CYBRD1: variants seen among roughly 807,000 people sequenced by gnomAD.
The protein encoded by CYBRD1 is cytochrome b reductase 1.
A neutral mutation model predicts 21.9 loss-of-function variants in CYBRD1; 14 were observed. That is an observed-to-expected ratio of 0.64 (90% CI 0.42 to 1.00). CYBRD1 has a LOEUF of 1.00. CYBRD1 is among the 50% of genes least tolerant of loss of function. The pLI, the probability that CYBRD1 is intolerant of heterozygous loss-of-function variation, is 0.00. For synonymous variants in CYBRD1, 146 were observed against 136.5 expected, an observed-to-expected ratio of 1.07 and a Z score of -0.48; for missense variants, 328 against 352.5, an observed-to-expected ratio of 0.93 and a Z score of 0.56.
chr2:171,527,357 T>C (rs1054864483), intron 1 of CYBRD1, among the ~76,000 whole-genome samples: 3 of 152,218 alleles, frequency 2.0e-5, no homozygotes, highest in African/African-American at 7.2e-5. Flanking sequence ...GTACCTAGAA[T>C]AACACTGAGA....
chr2:171,533,016 G>T (rs1032028051), intron 1 of CYBRD1, among the ~76,000 whole-genome samples: 2 of 151,818 alleles, frequency 1.3e-5, no homozygotes, highest in African/African-American at 4.8e-5. Context: ...TTGCTCATTT[G>T]CTGGCAATAC....
intron 1 of CYBRD1, among the ~76,000 whole-genome samples, chr2:171,533,432 T>C (rs1697499638): frequency 6.6e-6 from 1 of 152,342 alleles, no homozygotes; most frequent in Admixed American, 6.5e-5. Flanking sequence ...TGCTAAATAC[T>C]GGGATGTGAC....
rs1683480758 is a variant in CYBRD1, at chr2:171,555,965, T to C, written c.*1138T>C. ...AAACCTCAATTGCTGGAGTGGGGTG[T>C]AGTTATTAAAGGGATGCTTTTTACC... On this transcript the variant is annotated 3_prime_UTR_variant, in exon 4 of 4. Transcript: ENST00000321348. The C allele has an allele frequency of 6.6e-6, 1 of 152,200 alleles. No homozygotes were observed. The highest frequency in any genetic ancestry group is 1.5e-5 in the Non-Finnish European group (1 of 68,034). The allele number at this position is 152,200 out of a possible 1,614,324, so 9.4% of individuals were successfully genotyped here.
chr2:171,525,288 G>A (rs1044797608), intron 1 of CYBRD1, among the ~76,000 whole-genome samples: 2 of 152,142 alleles, frequency 1.3e-5, no homozygotes, highest in Non-Finnish European at 2.9e-5. Flanking sequence ...ATGGTCCAGA[G>A]TTTGTCCCGT....
intron 1 of CYBRD1, among the ~76,000 whole-genome samples, chr2:171,525,429 A>G (rs931772191): frequency 6.6e-6 from 1 of 152,120 alleles, no homozygotes; most frequent in East Asian, 1.9e-4. Context: ...GTTCTTCCAT[A>G]TCTTGGCCAA....
intron 2 of CYBRD1, among the ~76,000 whole-genome samples, chr2:171,548,481 A>G (rs1697750254): frequency 6.6e-6 from 1 of 152,174 alleles, no homozygotes; most frequent in Non-Finnish European, 1.5e-5. Flanking sequence ...CTTGTGTAGC[A>G]TTCCCAACAC....
At chr2:171,553,632 G>A (rs1683426430) in intron 3 of CYBRD1, 132 bp downstream of exon 3, 2 of 794,892 alleles carry the variant, frequency 2.5e-6, no homozygotes, top group African/African-American at 3.6e-5. Flanking sequence ...TAAAGAATTT[G>A]TTATATCATA....
chr2:171,540,613 T>C (rs1004341817), intron 1 of CYBRD1, among the ~76,000 whole-genome samples: 4 of 152,196 alleles, frequency 2.6e-5, no homozygotes, highest in Non-Finnish European at 5.9e-5. Context: ...ATTAGAGTTC[T>C]GACTGCTGTA....
At chr2:171,526,929 T>G (rs4467241) in intron 1 of CYBRD1, among the ~76,000 whole-genome samples, 117,115 of 152,142 alleles carry the variant, frequency 0.77, 45,469 homozygotes, top group East Asian at 0.9. Context: ...TTTCGTGAGA[T>G]AATATAACTA....
chr2:171,530,051 C>T (rs1419310123), intron 1 of CYBRD1, among the ~76,000 whole-genome samples: 1 of 152,130 alleles, frequency 6.6e-6, no homozygotes, highest in African/African-American at 2.4e-5. Flanking sequence ...GACAAAGACA[C>T]ACAGAGAAGA....
Position 171,554,704 on chromosome 2 carries a change from A to G in CYBRD1, c.738A>G (p.Arg246=). Residue 246 remains arginine (R), a synonymous_variant, in exon 4 of 4, where the codon AGA becomes AGG. Transcript: ENST00000321348. ...ATGGAGGCACTGAACAGGGAGCAAG[A>G]GGTTCCATGCCAGCCTACTCTGGCA... ...HPNGGTEQGA[R]GSMPAYSGNN... The G allele has an allele frequency of 6.2e-7, 1 of 1,614,068 alleles. No homozygotes were observed. Among genetic ancestry groups the G allele is most frequent in the Non-Finnish European group, 8.5e-7 (1 of 1,179,976 alleles).
chr2:171,554,410 T>C, intron 3 of CYBRD1, 114 bp from the exon 4 acceptor site: 9 of 989,472 alleles, frequency 9.1e-6, no homozygotes, highest in Non-Finnish European at 1.4e-5. Context: ...TAGCAAGCTT[T>C]GAGAGTTTAC....
Position 171,555,460 on chromosome 2 carries a change from G to T in CYBRD1, c.*633G>T, listed in dbSNP as rs1165661263. On this transcript the variant is annotated 3_prime_UTR_variant, in exon 4 of 4. Transcript: ENST00000321348. ...TGATAGATTAGAGCAGGTGGTTGAA[G>T]AGATCTTCTCTGGTCAGACTTGGAA... The T allele has an allele frequency of 1.3e-5, 2 of 152,950 alleles. No individual in the cohort carries two copies. Among genetic ancestry groups the T allele is most frequent in the African/African-American group, 4.8e-5 (2 of 41,440 alleles). The allele number at this position is 152,950 out of a possible 1,614,324, so 9.5% of individuals were successfully genotyped here.
At chr2:171,542,391 T>A (rs1461739537) in intron 2 of CYBRD1, among the ~76,000 whole-genome samples, 1 of 152,148 alleles carries the variant, frequency 6.6e-6, no homozygotes, top group East Asian at 1.9e-4. Context: ...GGCTCATGCC[T>A]ATAATTCCAG....
intron 1 of CYBRD1, among the ~76,000 whole-genome samples, chr2:171,538,412 C>A (rs1163182810): frequency 1.3e-5 from 2 of 152,028 alleles, no homozygotes; most frequent in African/African-American, 4.8e-5. Context: ...TGAGAGGGGG[C>A]CTTGAGTTTG....
rs1683514764 is a variant in CYBRD1, at chr2:171,557,778, G to A, written c.*2951G>A. 6.6e-6 allele frequency: 1 copy of A among 152,200 alleles called. No individual in the cohort carries two copies. Among genetic ancestry groups the A allele is most frequent in the African/African-American group, 2.4e-5 (1 of 41,442 alleles). The allele number at this position is 152,200 out of a possible 1,614,324, so 9.4% of individuals were successfully genotyped here. A position where few individuals can be genotyped will look rare whatever the true frequency, so the allele number is the denominator to read the frequency against. On this transcript the variant is annotated 3_prime_UTR_variant, in exon 4 of 4. Transcript: ENST00000321348. The stretch of plus-strand genomic sequence containing the variant: ...CTGCTGAGTTGGAAATTCCAGTGCA[G>A]CACTGATTGACCACAGTTGCCAATC...
At chr2:171,533,065 G>A (rs112380676) in intron 1 of CYBRD1, among the ~76,000 whole-genome samples, 1 of 151,766 alleles carries the variant, frequency 6.6e-6, no homozygotes, top group African/African-American at 2.4e-5. Context: ...TTATTCCTGT[G>A]CTTTATTTAG....
At chr2:171,534,289 C>A (rs1328851052) in intron 1 of CYBRD1, among the ~76,000 whole-genome samples, 2 of 152,202 alleles carry the variant, frequency 1.3e-5, no homozygotes, top group Non-Finnish European at 2.9e-5. Context: ...CTGTTTTATA[C>A]CATTTCCCCT....
intron 2 of CYBRD1, among the ~76,000 whole-genome samples, chr2:171,548,434 A>G (rs939475378): frequency 6.6e-6 from 1 of 152,200 alleles, no homozygotes; most frequent in African/African-American, 2.4e-5. Flanking sequence ...ATTAATGAAA[A>G]TAAATGTGAG....
Sources: gnomAD v4.1 joint callset for allele counts (sites outside exome capture counted in the v4.1 genomes callset) on GRCh38, gnomAD v4.1.1 for gene constraint, MANE v1.5 for transcripts, NCBI Gene and HGNC (gene_info 2026-07-23, HGNC 2026-07-21) for gene names.